ZMYND11: variants seen among roughly 807,000 people sequenced by gnomAD.
The protein encoded by ZMYND11 is zinc finger MYND-type containing 11, also known as zinc finger MYND domain-containing protein 11.
In ZMYND11, 9 loss-of-function variants were observed where a neutral mutation model predicts 84.9. That is an observed-to-expected ratio of 0.11 (90% CI 0.06 to 0.18). The LOEUF (loss-of-function observed/expected upper bound fraction) is 0.18. ZMYND11 is among the 10% of genes least tolerant of loss of function. The pLI is 1.00. For missense variants in ZMYND11, 409 were observed against 761.0 expected, an observed-to-expected ratio of 0.54 and a Z score of 5.44; for synonymous variants, 250 against 244.1, an observed-to-expected ratio of 1.02 and a Z score of -0.23.
intron 6 of ZMYND11, among the ~76,000 whole-genome samples, chr10:238,505 C>T (rs1299069554): frequency 1.3e-5 from 2 of 152,042 alleles, no homozygotes; most frequent in African/African-American, 2.4e-5. Context: ...TACAGGCGCC[C>T]GACACCACGC....
chr10:134,432 A>G (rs1554751023), upstream of ZMYND11: 1 of 152,222 alleles, frequency 6.6e-6, no homozygotes, highest in Non-Finnish European at 1.5e-5. Flanking sequence ...GTCTCTGATT[A>G]GGTCTAGAAT....
At chr10:198,993 G>A (rs1450736848) in intron 2 of ZMYND11, among the ~76,000 whole-genome samples, 2 of 152,104 alleles carry the variant, frequency 1.3e-5, no homozygotes, top group East Asian at 1.9e-4. Flanking sequence ...AACCTAGTCC[G>A]TGGGTTCTTG....
In ZMYND11 at chr10:247,322, G is replaced by A. The variant is rs913759459; in HGVS notation, c.1159-76G>A. ...AAATGTATTCACTTCTCACCTGTGGGTCCACTATGAGTGTTTTCAGCAGAG... is the reference window on the plus strand; with the variant it reads ...AAATGTATTCACTTCTCACCTGTGGATCCACTATGAGTGTTTTCAGCAGAG... On this transcript the variant is annotated intron_variant, in intron 11 of 14. Coordinates refer to ENST00000381604, the MANE Select transcript of ZMYND11 (RefSeq NM_001370100.5). The A allele has an allele frequency of 1.3e-5, 19 of 1,494,940 alleles. No individual in the cohort carries two copies. In the East Asian group the frequency reaches 4.4e-4, roughly 35 times the overall value. 92.6% of individuals were successfully genotyped at this position (1,494,940 alleles called of 1,614,324 possible). A position where few individuals can be genotyped will look rare whatever the true frequency, so the allele number is the denominator to read the frequency against.
intron 4 of ZMYND11, among the ~76,000 whole-genome samples, chr10:230,189 C>T (rs1384375548): frequency 6.6e-6 from 1 of 152,110 alleles, no homozygotes; most frequent in Non-Finnish European, 1.5e-5. Flanking sequence ...AAAACACAGT[C>T]TCCTACCGAG....
chr10:196,858 A>G (rs1941877774), intron 2 of ZMYND11, among the ~76,000 whole-genome samples: 1 of 152,238 alleles, frequency 6.6e-6, no homozygotes, highest in Admixed American at 6.5e-5. Context: ...AAGGGGAACT[A>G]TTAATAGTTC....
intron 2 of ZMYND11, among the ~76,000 whole-genome samples, chr10:191,855 G>A (rs553631286): frequency 3.8e-4 from 58 of 152,082 alleles, no homozygotes; most frequent in African/African-American, 1.3e-3. Flanking sequence ...CTTGGCCACC[G>A]TAAGTTATTA....
At chr10:137,965 T>C (rs1836518363) in intron 1 of ZMYND11, among the ~76,000 whole-genome samples, 1 of 152,234 alleles carries the variant, frequency 6.6e-6, no homozygotes, top group African/African-American at 2.4e-5. Context: ...TTACAGTCTC[T>C]AAATTGGACA....
intron 1 of ZMYND11, among the ~76,000 whole-genome samples, chr10:178,828 T>C (rs1244703906): frequency 6.6e-6 from 1 of 152,186 alleles, no homozygotes; most frequent in Non-Finnish European, 1.5e-5. Context: ...CCCAGTTTTC[T>C]CAGGTTTTGA....
rs894042502 is a variant in ZMYND11, at chr10:200,115, A to G, written c.117-9774A>G. On this transcript the variant is annotated intron_variant, in intron 2 of 14. Transcript: ENST00000381604. ...ATGAATACACACCATTTCTTTTTCT[A>G]AAACACTCTAACAGAGGTTTTGGCA... Among the ~76,000 whole-genome samples the G allele has an allele frequency of 2.5e-4, 38 of 151,238 alleles. 1 individual carries two copies. The highest frequency in any genetic ancestry group is 3.1e-4 in the Non-Finnish European group (21 of 67,866).
intron 1 of ZMYND11, among the ~76,000 whole-genome samples, chr10:172,307 T>G (rs181294108): frequency 6.1e-4 from 93 of 152,186 alleles, no homozygotes; most frequent in African/African-American, 2.2e-3. Flanking sequence ...AAAAAAGAAA[T>G]AAAACTGTCT....
chr10:223,345 T>G (rs1947478812), intron 4 of ZMYND11, among the ~76,000 whole-genome samples: 1 of 152,176 alleles, frequency 6.6e-6, no homozygotes, highest in African/African-American at 2.4e-5. Context: ...AGTCTGTGTT[T>G]CCTCTACTCT....
chr10:155,711 AAAG>A (rs1554758625), intron 1 of ZMYND11, among the ~76,000 whole-genome samples: 2 of 152,244 alleles, frequency 1.3e-5, no homozygotes, highest in African/African-American at 2.4e-5. Context: ...AAGATTTAAA[AAAG>A]ACCAAAAATC....
chr10:140,184 A>G (rs1414617074), intron 1 of ZMYND11, among the ~76,000 whole-genome samples: 1 of 152,220 alleles, frequency 6.6e-6, no homozygotes, highest in Non-Finnish European at 1.5e-5. Context: ...TTTGTATAAC[A>G]TAAAAGTTTG....
intron 1 of ZMYND11, among the ~76,000 whole-genome samples, chr10:167,196 G>C (rs1355496633): frequency 5.3e-5 from 8 of 152,104 alleles, no homozygotes. Context: ...AAAGTAGTTA[G>C]TGCTGCCAGA....
At position 248,394 on chromosome 10, in the gene ZMYND11, A is replaced by C; in HGVS notation, c.1286A>C (p.Gln429Pro). The C allele has an allele frequency of 6.2e-7, 1 of 1,614,218 alleles. No homozygotes were observed. The highest frequency in any genetic ancestry group is 2.2e-5 in the East Asian group (1 of 44,894). ...AGCCAGGAAATACCCACGATGCCTC[A>C]GCCCATCGAAAAAGTCTCCGTGTCA... is the stretch of plus-strand genomic sequence containing the variant. ...SSSQEIPTMP[Q>P]PIEKVSVSTQ... The change falls in exon 13 of 15, where the codon CAG (glutamine) becomes CCG (proline). Residue 429 changes from glutamine to proline, a missense_variant. Gln to Pro is a moderately conservative substitution (Grantham distance 76, BLOSUM62 -1). Transcript: ENST00000381604.
At chr10:240,252 TC>T in intron 8 of ZMYND11, 141 bp downstream of exon 8, 2 of 678,670 alleles carry the variant, frequency 2.9e-6, no homozygotes, top group Non-Finnish European at 4.5e-6. Flanking sequence ...ACGCCTGTAA[TC>T]CCAGCACTTT....
In ZMYND11 at chr10:136,850, C is replaced by T. The variant is rs551484425; in HGVS notation, c.-20+1291C>T. Among the ~76,000 whole-genome samples, 134 of 152,092 alleles carry T rather than the reference C, an allele frequency of 8.8e-4. 3 individuals carry two copies. In the Middle Eastern group the frequency reaches 0.014, roughly 15 times the overall value. On this transcript the variant is annotated intron_variant, in intron 1 of 14. Coordinates refer to ENST00000381604, the MANE Select transcript of ZMYND11 (RefSeq NM_001370100.5). Reference sequence around the variant, plus strand: ...TCATATACAGCCCTTACGCGGTTCCCGGTATTTTGTGCAGTATGTGCACGG... The same window carrying T: ...TCATATACAGCCCTTACGCGGTTCCTGGTATTTTGTGCAGTATGTGCACGG...
chr10:239,333 C>A, intron 6 of ZMYND11, 105 bp from the exon 7 acceptor site: 2 of 867,360 alleles, frequency 2.3e-6, no homozygotes, highest in South Asian at 1.7e-5. Context: ...TGGCAGTAGT[C>A]ATCCTGATGT....
chr10:217,580 G>C (rs554336854), intron 3 of ZMYND11, among the ~76,000 whole-genome samples: 39 of 151,502 alleles, frequency 2.6e-4, no homozygotes, highest in Admixed American at 1.2e-3. Context: ...GCCTAGCAAA[G>C]AAATGTGCAC....
Sources: allele counts gnomAD v4.1 joint callset (sites outside exome capture counted in the v4.1 genomes callset), GRCh38; gene constraint gnomAD v4.1.1; transcripts MANE v1.5; gene names NCBI Gene and HGNC (gene_info 2026-07-23, HGNC 2026-07-21).